Variants in FAM184A observed in about 807,000 individuals in gnomAD.
FAM184A encodes the protein protein FAM184A.
In FAM184A, 99 loss-of-function variants were observed where a neutral mutation model predicts 143.8. That is an observed-to-expected ratio of 0.69 (90% CI 0.58 to 0.81). The LOEUF (loss-of-function observed/expected upper bound fraction) is 0.81, where lower values mean the gene tolerates loss of function less well. FAM184A is among the 40% of genes least tolerant of loss of function. The pLI is 0.00. For synonymous variants in FAM184A, 427 were observed against 446.4 expected (o/e 0.96, Z 0.55); for missense variants, 1,217 against 1,310.5 (o/e 0.93, Z 1.10).
chr6:119,088,993 T>G (rs994058841), intron 1 of FAM184A, among the ~76,000 whole-genome samples: 4 of 152,104 alleles, frequency 2.6e-5, no homozygotes, highest in Non-Finnish European at 5.9e-5. Context: ...GAGATTGGAC[T>G]AAATGATCTT....
At position 119,016,797 on chromosome 6, in the gene FAM184A, T is replaced by C. The variant is rs1479630005; in HGVS notation, c.1480A>G (p.Ile494Val). 6.2e-7 allele frequency: 1 copy of C among 1,614,174 alleles called. No individual in the cohort carries two copies. The highest frequency in any genetic ancestry group is 1.3e-5 in the African/African-American group (1 of 75,056). ...ATTGCATTACTGTGGACAGCTTCAA[T>C]TGCCATATGGTGCTTCCAAGCTAAT... ...EELAWKHHMA[I>V]EAVHSNAIRD... The change falls in exon 5 of 18, where the codon ATT becomes GTT. Residue 494 changes from isoleucine (I) to valine (V), a missense_variant. Transcript: ENST00000338891.
At chr6:119,124,399 G>T (rs937934261) in intron 1 of FAM184A, among the ~76,000 whole-genome samples, 111 of 152,174 alleles carry the variant, frequency 7.3e-4, no homozygotes, top group African/African-American at 2.6e-3. Context: ...AACTTATAAG[G>T]CATCTCTTAA....
chr6:119,098,875 C>T (rs893675959), intron 1 of FAM184A, among the ~76,000 whole-genome samples: 5 of 152,094 alleles, frequency 3.3e-5, no homozygotes, highest in African/African-American at 9.7e-5. Flanking sequence ...TTTGGGAGGC[C>T]GATGCGGGTG....
chr6:119,124,737 A>G (rs905611032), intron 1 of FAM184A, among the ~76,000 whole-genome samples: 12 of 127,728 alleles, frequency 9.4e-5, no homozygotes, highest in African/African-American at 3.3e-4. Flanking sequence ...TTAGAAGATC[A>G]AATAAACTAT....
chr6:119,046,088 T>C (rs1786520483), intron 1 of FAM184A, among the ~76,000 whole-genome samples: 1 of 152,196 alleles, frequency 6.6e-6, no homozygotes, highest in Admixed American at 6.5e-5. Context: ...TTATCTTTTT[T>C]CCATATCTCA....
chr6:119,083,550 C>A (rs1161458967), upstream of FAM184A, among the ~76,000 whole-genome samples: 1 of 152,164 alleles, frequency 6.6e-6, no homozygotes, highest in African/African-American at 2.4e-5. Flanking sequence ...TTGGAAATTT[C>A]TTCTGCCAGA....
chr6:119,141,623 T>G (rs1314603984), intron 1 of FAM184A, among the ~76,000 whole-genome samples: 2 of 152,086 alleles, frequency 1.3e-5, no homozygotes, highest in Non-Finnish European at 2.9e-5. Context: ...ACTACAGGTG[T>G]GTGCCACCAT....
chr6:118,977,051 C>A (rs1455339110), intron 11 of FAM184A, among the ~76,000 whole-genome samples: 3 of 152,014 alleles, frequency 2.0e-5, no homozygotes, highest in Non-Finnish European at 2.9e-5. Context: ...GGCACTTATC[C>A]CAGAGAAATG....
intron 1 of FAM184A, among the ~76,000 whole-genome samples, chr6:119,042,145 A>T (rs564705599): frequency 3.9e-5 from 6 of 152,312 alleles, no homozygotes; most frequent in African/African-American, 9.6e-5. Context: ...GGAATATGGT[A>T]AGACTGGTTA....
At chr6:119,061,525 A>ATTT (rs1476201793) in intron 1 of FAM184A, among the ~76,000 whole-genome samples, 38 of 51,560 alleles carry the variant, frequency 7.4e-4, no homozygotes, top group Non-Finnish European at 1.1e-3. Flanking sequence ...CTGGCTAATT[A>ATTT]TTTTTCTTTT....
intron 1 of FAM184A, among the ~76,000 whole-genome samples, chr6:119,124,973 C>T (rs629109): frequency 0.81 from 122,903 of 152,108 alleles, 49,963 homozygotes; most frequent in South Asian, 0.9. Context: ...TTCCCTAGAA[C>T]TCCTGTTATT....
At chr6:118,971,619 A>G (rs1275182409) in intron 14 of FAM184A, among the ~76,000 whole-genome samples, 1 of 152,216 alleles carries the variant, frequency 6.6e-6, no homozygotes, top group East Asian at 1.9e-4. Flanking sequence ...TTTTTATTAG[A>G]TATAAAGTTT....
intron 14 of FAM184A, among the ~76,000 whole-genome samples, chr6:118,971,159 C>T (rs1277625578): frequency 2.0e-5 from 3 of 152,128 alleles, no homozygotes; most frequent in Non-Finnish European, 2.9e-5. Context: ...CCATAAATTA[C>T]GCACAGACTC....
chr6:119,139,306 C>T (rs2114888021), intron 1 of FAM184A, among the ~76,000 whole-genome samples: 1 of 152,278 alleles, frequency 6.6e-6, no homozygotes, highest in Non-Finnish European at 1.5e-5. Flanking sequence ...ATTAGAAAGT[C>T]AAGTGTCAAA....
At chr6:119,099,045 G>A (rs1788577832) in intron 1 of FAM184A, among the ~76,000 whole-genome samples, 1 of 152,200 alleles carries the variant, frequency 6.6e-6, no homozygotes, top group South Asian at 2.1e-4. Context: ...GGGAGGTGGA[G>A]GTTGCAGTGA....
chr6:119,136,849 C>T (rs1483132752), intron 1 of FAM184A, among the ~76,000 whole-genome samples: 1 of 152,170 alleles, frequency 6.6e-6, no homozygotes, highest in Non-Finnish European at 1.5e-5. Flanking sequence ...ACCAAGACGG[C>T]TACAGTAAGA....
rs71556823 is a variant in FAM184A at position 119,034,566 on chromosome 6, GTTTT to G, written c.160-9757_160-9754del. The stretch of plus-strand genomic sequence containing the variant: ...TATTCTTTGTCTGTTTTAATATATA[GTTTT>G]TTTTTTTTTTAAAAAAACCTTTGCT... On this transcript the variant is annotated intron_variant, in intron 1 of 17. Coordinates refer to ENST00000338891, the MANE Select transcript of FAM184A (RefSeq NM_024581.6). 5.7e-4 allele frequency among the ~76,000 whole-genome samples: 50 copies of G among 88,320 alleles called. 1 individual carries two copies. The highest frequency in any genetic ancestry group is 1.7e-3 in the South Asian group (4 of 2,302). 57.9% of individuals were successfully genotyped at this position (88,320 alleles called of 152,430 possible).
In FAM184A at chr6:119,016,877, C is replaced by T; in HGVS notation, c.1400G>A (p.Arg467Lys). The T allele has an allele frequency of 6.2e-7, 1 of 1,614,040 alleles. No homozygotes were observed. Among genetic ancestry groups the T allele is most frequent in the Non-Finnish European group, 8.5e-7 (1 of 1,179,922 alleles). ...YERELKNLQS[R>K]LEEEVTQLNE... is the part of the protein sequence containing the mutation. ...TAATTGAGTCACCTCCTCTTCCAAT[C>T]TACTTTGCAGGTTTTTAAGTTCCCT... Residue 467 changes from arginine to lysine, a missense_variant, in exon 5 of 18, where the codon AGA becomes AAA. Coordinates refer to ENST00000338891, the MANE Select transcript of FAM184A (RefSeq NM_024581.6).
chr6:119,089,873 C>T (rs1017392030), intron 1 of FAM184A, among the ~76,000 whole-genome samples: 1 of 152,094 alleles, frequency 6.6e-6, no homozygotes, highest in African/African-American at 2.4e-5. Flanking sequence ...GTTTCTTCCC[C>T]ATGAATTCAG....
Sources: gnomAD v4.1 joint callset for allele counts (sites outside exome capture counted in the v4.1 genomes callset) on GRCh38, gnomAD v4.1.1 for gene constraint, MANE v1.5 for transcripts, NCBI Gene and HGNC (gene_info 2026-07-23, HGNC 2026-07-21) for gene names.